Variants in GALNT14 observed in about 807,000 individuals in gnomAD.
GALNT14 encodes the protein polypeptide N-acetylgalactosaminyltransferase 14.
In GALNT14, 60 loss-of-function variants were observed where a neutral mutation model predicts 77.5. That is an observed-to-expected ratio of 0.77 (90% CI 0.63 to 0.96). The LOEUF (loss-of-function observed/expected upper bound fraction) is 0.96. GALNT14 is among the 40% of genes least tolerant of loss of function. The pLI, the probability that GALNT14 is intolerant of heterozygous loss-of-function variation, is 0.00. For synonymous variants in GALNT14, 280 were observed against 281.7 expected (o/e 0.99, Z 0.06); for missense variants, 710 against 731.0 (o/e 0.97, Z 0.33).
chr2:31,032,026 C>T (rs1035617782), intron 1 of GALNT14, among the ~76,000 whole-genome samples: 5 of 152,186 alleles, frequency 3.3e-5, no homozygotes, highest in Non-Finnish European at 7.3e-5. Context: ...TGGAAGGAGG[C>T]ATATTTGTTC....
Position 31,014,302 on chromosome 2 carries a change from C to T in GALNT14, c.130-21295G>A, listed in dbSNP as rs572050458. ...AAAGGCAAGGGGGTACCCATCAGCT[C>T]TGGATCTGGATAGCTAGTGAGGCTC... On this transcript the variant is annotated intron_variant, in intron 1 of 14. Coordinates refer to ENST00000349752, the MANE Select transcript of GALNT14 (RefSeq NM_024572.4). Among the ~76,000 whole-genome samples, 4 of 152,304 alleles carry T rather than the reference C, an allele frequency of 2.6e-5. No homozygotes were observed. In the South Asian group the frequency reaches 6.2e-4, roughly 24 times the overall value.
chr2:31,097,743 A>G (rs2148608443), intron 1 of GALNT14, among the ~76,000 whole-genome samples: 1 of 151,964 alleles, frequency 6.6e-6, no homozygotes, highest in East Asian at 1.9e-4. Flanking sequence ...GGTGGCCCTC[A>G]CTCCCCTGAT....
At chr2:30,937,105 G>A (rs1666101920) in intron 9 of GALNT14, among the ~76,000 whole-genome samples, 2 of 152,234 alleles carry the variant, frequency 1.3e-5, no homozygotes, top group Admixed American at 6.5e-5. Flanking sequence ...GCTCTTCTCA[G>A]ATGAGGTCAT....
chr2:31,077,039 T>C (rs1482852718), intron 1 of GALNT14, among the ~76,000 whole-genome samples: 2 of 152,242 alleles, frequency 1.3e-5, no homozygotes, highest in East Asian at 1.9e-4. Context: ...TATATTAGTA[T>C]AGTAACAATC....
At chr2:31,121,443 A>T (rs984030774) in intron 1 of GALNT14, among the ~76,000 whole-genome samples, 8 of 152,104 alleles carry the variant, frequency 5.3e-5, no homozygotes, top group Non-Finnish European at 1.0e-4. Flanking sequence ...AGACAATAAA[A>T]CCCTTAAACC....
At chr2:31,026,279 C>T (rs1672047883) in intron 1 of GALNT14, among the ~76,000 whole-genome samples, 1 of 152,196 alleles carries the variant, frequency 6.6e-6, no homozygotes, top group Non-Finnish European at 1.5e-5. Flanking sequence ...GTCTCTGAGG[C>T]CTTGTAGAAG....
intron 1 of GALNT14, among the ~76,000 whole-genome samples, chr2:31,043,339 G>A (rs550998383): frequency 7.9e-5 from 12 of 152,100 alleles, no homozygotes; most frequent in Non-Finnish European, 1.3e-4. Context: ...TGTTAACTAC[G>A]CTTATTATTT....
At chr2:31,084,718 G>A (rs1352595802) in intron 1 of GALNT14, among the ~76,000 whole-genome samples, 1 of 152,194 alleles carries the variant, frequency 6.6e-6, no homozygotes, top group Non-Finnish European at 1.5e-5. Flanking sequence ...CACAGCTGGT[G>A]TGAAGATTAA....
At chr2:30,917,175 C>G (rs1664734427) in intron 13 of GALNT14, among the ~76,000 whole-genome samples, 1 of 151,706 alleles carries the variant, frequency 6.6e-6, no homozygotes, top group Non-Finnish European at 1.5e-5. Flanking sequence ...GGGCCCCTGC[C>G]TCTGGTAGGC....
chr2:31,051,499 C>T (rs1028112327), intron 1 of GALNT14, among the ~76,000 whole-genome samples: 20 of 152,156 alleles, frequency 1.3e-4, no homozygotes, highest in Non-Finnish European at 2.4e-4. Flanking sequence ...GCCTGCCCTA[C>T]AGATCTCAAG....
chr2:31,024,449 A>G (rs940462765), intron 1 of GALNT14, among the ~76,000 whole-genome samples: 10 of 149,930 alleles, frequency 6.7e-5, no homozygotes, highest in African/African-American at 1.5e-4. Flanking sequence ...CACTCCCTCT[A>G]CTCCAGCCAC....
intron 1 of GALNT14, among the ~76,000 whole-genome samples, chr2:31,030,688 C>T (rs1031497798): frequency 6.6e-6 from 1 of 152,198 alleles, no homozygotes; most frequent in Non-Finnish European, 1.5e-5. Flanking sequence ...TGCTTCTCTC[C>T]TACCTTCCAA....
intron 1 of GALNT14, among the ~76,000 whole-genome samples, chr2:31,064,741 C>T (rs1399527274): frequency 6.6e-6 from 1 of 151,988 alleles, no homozygotes; most frequent in Non-Finnish European, 1.5e-5. Flanking sequence ...ACACCACTAC[C>T]TGACATTGCT....
At chr2:31,131,104 G>A (rs1011190956) in intron 1 of GALNT14, among the ~76,000 whole-genome samples, 4 of 152,166 alleles carry the variant, frequency 2.6e-5, no homozygotes, top group African/African-American at 9.7e-5. Flanking sequence ...ACTGAGCCAG[G>A]AAGAGAGGAA....
At chr2:31,000,191 T>A (rs1670279044) in intron 1 of GALNT14, among the ~76,000 whole-genome samples, 2 of 152,004 alleles carry the variant, frequency 1.3e-5, no homozygotes, top group African/African-American at 4.8e-5. Context: ...CATCTCTCCC[T>A]AAACCCTGAG....
At chr2:31,049,335 A>T (rs6709060) in intron 1 of GALNT14, among the ~76,000 whole-genome samples, 113,524 of 152,102 alleles carry the variant, frequency 0.75, 42,639 homozygotes, top group East Asian at 0.99. Context: ...CCCAGAAAGA[A>T]GACCCGAGGC....
At chr2:31,071,744 C>T (rs769564531) in intron 1 of GALNT14, among the ~76,000 whole-genome samples, 2 of 152,248 alleles carry the variant, frequency 1.3e-5, no homozygotes, top group Non-Finnish European at 1.5e-5. Flanking sequence ...TGACAGCTCT[C>T]TGTTCCTTCA....
intron 1 of GALNT14, among the ~76,000 whole-genome samples, chr2:31,067,311 A>AT (rs1192166826): frequency 2.0e-5 from 3 of 152,142 alleles, no homozygotes; most frequent in Non-Finnish European, 2.9e-5. Flanking sequence ...CAAGGGGTCC[A>AT]TGTCCCCACG....
intron 6 of GALNT14, among the ~76,000 whole-genome samples, chr2:30,953,327 G>A (rs1438273793): frequency 2.2e-5 from 1 of 44,734 alleles, no homozygotes. Flanking sequence ...TTTTTTTTTT[G>A]AGAGAGAGTC....
Sources: gnomAD v4.1 joint callset for allele counts (sites outside exome capture counted in the v4.1 genomes callset) on GRCh38, gnomAD v4.1.1 for gene constraint, MANE v1.5 for transcripts, NCBI Gene and HGNC (gene_info 2026-07-23, HGNC 2026-07-21) for gene names.